CSMD1: variants seen among roughly 807,000 people sequenced by gnomAD.
CSMD1 encodes CUB and sushi domain-containing protein 1.
In CSMD1, 213 loss-of-function variants were observed where a neutral mutation model predicts 417.5. The observed-to-expected ratio is 0.51, with a 90% confidence interval of 0.46 to 0.57. The LOEUF (loss-of-function observed/expected upper bound fraction) is 0.57. Among genes scored for constraint, CSMD1 ranks in the 20% least tolerant of loss-of-function variants. The pLI, the probability that CSMD1 is intolerant of heterozygous loss-of-function variation, is 0.00. For missense variants in CSMD1, 6,923 were observed against 4,529.7 expected (o/e 1.53, Z -15.17); for synonymous variants, 2,862 against 1,736.8 (o/e 1.65, Z -16.11).
At chr8:4,815,897 T>A (rs886928022) in intron 1 of CSMD1, among the ~76,000 whole-genome samples, 2 of 152,158 alleles carry the variant, frequency 1.3e-5, no homozygotes, top group Admixed American at 1.3e-4. Context: ...GGTTATGATC[T>A]CATCTAGGCT....
At chr8:4,484,946 A>G (rs962977246) in intron 2 of CSMD1, among the ~76,000 whole-genome samples, 14 of 123,740 alleles carry the variant, frequency 1.1e-4, no homozygotes, top group African/African-American at 3.6e-4. Context: ...GCACTCCAGC[A>G]CTCCAACCTG....
intron 3 of CSMD1, among the ~76,000 whole-genome samples, chr8:4,397,687 A>C (rs1351717967): frequency 6.6e-6 from 1 of 152,116 alleles, no homozygotes; most frequent in Admixed American, 6.5e-5. Context: ...ATGAAGAAAT[A>C]GATATTAATA....
intron 5 of CSMD1, among the ~76,000 whole-genome samples, chr8:3,943,085 C>CAT (rs1162287868): frequency 6.6e-6 from 1 of 152,074 alleles, no homozygotes; most frequent in Non-Finnish European, 1.5e-5. Flanking sequence ...TATTACCCCA[C>CAT]ATTACCTGGG....
intron 1 of CSMD1, among the ~76,000 whole-genome samples, chr8:4,844,490 T>A (rs546400463): frequency 3.9e-5 from 6 of 152,070 alleles, no homozygotes; most frequent in Non-Finnish European, 8.8e-5. Flanking sequence ...ACAGCCTCAA[T>A]CAGCACTCTT....
intron 5 of CSMD1, among the ~76,000 whole-genome samples, chr8:3,957,132 G>A (rs1270547024): frequency 8.6e-6 from 1 of 116,830 alleles, no homozygotes; most frequent in African/African-American, 2.8e-5. Context: ...CTAATGCCCT[G>A]CCTCTTTCTC....
chr8:3,256,657 A>G (rs1262425395), intron 26 of CSMD1, among the ~76,000 whole-genome samples: 1 of 152,148 alleles, frequency 6.6e-6, no homozygotes, highest in Non-Finnish European at 1.5e-5. Context: ...TTGCAAGAAC[A>G]CCCACACTTC....
At chr8:3,093,332 C>G (rs1815078328) in intron 47 of CSMD1, among the ~76,000 whole-genome samples, 1 of 152,144 alleles carries the variant, frequency 6.6e-6, no homozygotes, top group South Asian at 2.1e-4. Context: ...CTTCTGACCC[C>G]TTCCGCTTAA....
chr8:3,193,856 C>A (rs1337148299), intron 33 of CSMD1, among the ~76,000 whole-genome samples: 3 of 152,178 alleles, frequency 2.0e-5, no homozygotes, highest in African/African-American at 7.2e-5. Flanking sequence ...GATGATCACC[C>A]TTCAACACCA....
chr8:3,416,152 T>C (rs1813131924), intron 12 of CSMD1, among the ~76,000 whole-genome samples: 1 of 123,326 alleles, frequency 8.1e-6, no homozygotes. Flanking sequence ...ATACAAAAAA[T>C]TAGCCGGGCG....
chr8:3,611,215 T>C (rs1359153702), intron 8 of CSMD1, among the ~76,000 whole-genome samples: 1 of 150,218 alleles, frequency 6.7e-6, no homozygotes, highest in Non-Finnish European at 1.5e-5. Flanking sequence ...ACATGTACCC[T>C]AAAAACTTAA....
chr8:4,312,423 G>GTATATACGTACGCATATATA (rs1563435221), intron 3 of CSMD1, among the ~76,000 whole-genome samples: 1 of 105,128 alleles, frequency 9.5e-6, no homozygotes, highest in African/African-American at 7.8e-5. Flanking sequence ...ATATATATGC[G>GTATATACGTACGCATATATA]CGTATATATA....
At chr8:3,736,064 G>A (rs1022079179) in intron 6 of CSMD1, among the ~76,000 whole-genome samples, 4 of 152,056 alleles carry the variant, frequency 2.6e-5, no homozygotes, top group African/African-American at 7.2e-5. Flanking sequence ...CAGGTGTGAA[G>A]GAGATTAATA....
At chr8:4,564,559 A>C (rs967970573) in intron 2 of CSMD1, among the ~76,000 whole-genome samples, 2 of 152,228 alleles carry the variant, frequency 1.3e-5, no homozygotes, top group African/African-American at 4.8e-5. Flanking sequence ...AAATTTTATA[A>C]GCATAAATAC....
Position 4,796,328 on chromosome 8 carries a change from G to A in CSMD1, c.86-158770C>T, listed in dbSNP as rs185848905. Among the ~76,000 whole-genome samples, 53 of 152,034 alleles carry A rather than the reference G, an allele frequency of 3.5e-4. No individual in the cohort carries two copies. In the South Asian group the frequency reaches 4.4e-3, roughly 13 times the overall value. ...GGAGATGAGATGACAAGCGACCAACGTGATGATCTTCACATATCCTCAGCC... is the reference window on the plus strand; with the variant it reads ...GGAGATGAGATGACAAGCGACCAACATGATGATCTTCACATATCCTCAGCC... On this transcript the variant is annotated intron_variant, in intron 1 of 69. Coordinates refer to ENST00000635120, the MANE Select transcript of CSMD1 (RefSeq NM_033225.6).
chr8:4,021,617 A>C (rs949726306), intron 4 of CSMD1, among the ~76,000 whole-genome samples: 3 of 152,108 alleles, frequency 2.0e-5, no homozygotes, highest in African/African-American at 7.2e-5. Flanking sequence ...GACTTATCAC[A>C]TGTAGCTGCT....
chr8:3,403,884 C>T (rs1331156615), intron 15 of CSMD1, among the ~76,000 whole-genome samples: 1 of 152,170 alleles, frequency 6.6e-6, no homozygotes, highest in Non-Finnish European at 1.5e-5. Context: ...AACATAAAAA[C>T]TGTACATTTA....
At chr8:3,244,974 CAAG>C (rs1310725376) in intron 26 of CSMD1, among the ~76,000 whole-genome samples, 9 of 152,116 alleles carry the variant, frequency 5.9e-5, no homozygotes, top group African/African-American at 1.7e-4. Flanking sequence ...TGGCTATTTC[CAAG>C]AAGAACTGTG....
At chr8:3,211,450 C>T (rs1170246684) in intron 30 of CSMD1, among the ~76,000 whole-genome samples, 1 of 152,168 alleles carries the variant, frequency 6.6e-6, no homozygotes, top group Admixed American at 6.5e-5. Flanking sequence ...ATCGAGGTTG[C>T]ATGCTCAATA....
chr8:4,324,888 G>C (rs1014275526), intron 3 of CSMD1, among the ~76,000 whole-genome samples: 1 of 152,148 alleles, frequency 6.6e-6, no homozygotes, highest in Non-Finnish European at 1.5e-5. Context: ...GGATCCTCAA[G>C]GCACTCTGAG....
Sources: allele counts gnomAD v4.1 joint callset (sites outside exome capture counted in the v4.1 genomes callset), GRCh38; gene constraint gnomAD v4.1.1; transcripts MANE v1.5; gene names NCBI Gene and HGNC (gene_info 2026-07-23, HGNC 2026-07-21).